CEMIP: variants seen among roughly 807,000 people sequenced by gnomAD.
CEMIP encodes cell migration inducing hyaluronidase 1, also known as cell migration-inducing and hyaluronan-binding protein.
CEMIP carries 105 observed loss-of-function variants against 156.9 expected under a neutral mutation model. The observed-to-expected ratio is 0.67, with a 90% CI of 0.57 to 0.79. The LOEUF (loss-of-function observed/expected upper bound fraction) is 0.79. Ranked by LOEUF, CEMIP falls within the 30% of genes least tolerant of loss-of-function variation. The pLI is 0.00. For missense variants in CEMIP, 1,457 were observed against 1,769.4 expected, an observed-to-expected ratio of 0.82 and a Z score of 3.17; for synonymous variants, 676 against 668.4, an observed-to-expected ratio of 1.01 and a Z score of -0.17.
At chr15:80,885,317 C>G (rs972701236) in intron 7 of CEMIP, among the ~76,000 whole-genome samples, 2 of 152,138 alleles carry the variant, frequency 1.3e-5, no homozygotes, top group Non-Finnish European at 2.9e-5. Context: ...GGCAGAAATT[C>G]CCTGGGCAAG....
chr15:80,894,928 A>G (rs1247708372), intron 10 of CEMIP, 62 bp from the exon 11 acceptor site: 78 of 1,594,038 alleles, frequency 4.9e-5, no homozygotes, highest in Non-Finnish European at 6.4e-5. Context: ...AACATTAATC[A>G]GCACCTTCCT....
Position 80,889,592 on chromosome 15 carries a change from G to C in CEMIP, c.1086G>C (p.Gln362His). The C allele has an allele frequency of 6.2e-7, 1 of 1,614,086 alleles. No individual in the cohort carries two copies. The highest frequency in any genetic ancestry group is 8.5e-7 in the Non-Finnish European group (1 of 1,179,974). ...GKICNRPIDI[Q>H]ATTMDGVNLS... ...TATGCAATCGTCCCATTGATATACA[G>C]GTACCAAACTCACAGCAAAAATAGA... Residue 362 changes from glutamine (Q) to histidine (H), a missense_variant and splice_region_variant, in exon 10 of 30, where the codon CAG becomes CAC. Transcript: ENST00000394685.
chr15:80,870,095 G>A (rs948766997), intron 1 of CEMIP, among the ~76,000 whole-genome samples: 8 of 152,156 alleles, frequency 5.3e-5, no homozygotes, highest in African/African-American at 1.9e-4. Context: ...GGTACAAGTG[G>A]CCAGGTGGCA....
intron 29 of CEMIP, chr15:80,947,404 T>C (rs1230672801): frequency 1.8e-5 from 6 of 326,182 alleles, no homozygotes; most frequent in Non-Finnish European, 3.6e-5. Context: ...ACCCAATTCC[T>C]GCTATTCAGA....
At chr15:80,886,805 G>C (rs1898857277) in intron 7 of CEMIP, among the ~76,000 whole-genome samples, 1 of 144,332 alleles carries the variant, frequency 6.9e-6, no homozygotes, top group African/African-American at 2.5e-5. Context: ...ACAGTAAACA[G>C]GGGAAATTTA....
chr15:80,790,766 G>A (rs1429659177), intron 1 of CEMIP, among the ~76,000 whole-genome samples: 1 of 152,188 alleles, frequency 6.6e-6, no homozygotes, highest in Non-Finnish European at 1.5e-5. Flanking sequence ...TTCGTTGAGA[G>A]TAATTGTAAC....
intron 1 of CEMIP, among the ~76,000 whole-genome samples, chr15:80,826,190 A>G (rs1483760431): frequency 6.6e-6 from 1 of 152,142 alleles, no homozygotes; most frequent in African/African-American, 2.4e-5. Context: ...TAGATAGTGT[A>G]TTTTCTCCGG....
chr15:80,914,874 C>G (rs967521555), intron 14 of CEMIP, among the ~76,000 whole-genome samples: 17 of 151,806 alleles, frequency 1.1e-4, no homozygotes, highest in African/African-American at 4.1e-4. Flanking sequence ...TCAGTCTCCC[C>G]CAAAATTGGG....
intron 7 of CEMIP, among the ~76,000 whole-genome samples, chr15:80,886,104 T>G (rs887925203): frequency 5.9e-5 from 9 of 152,226 alleles, no homozygotes; most frequent in African/African-American, 2.2e-4. Flanking sequence ...CAGGTATGAA[T>G]GGAAATTGGT....
intron 1 of CEMIP, among the ~76,000 whole-genome samples, chr15:80,852,384 A>ATG (rs1314425158): frequency 2.0e-5 from 3 of 151,948 alleles, no homozygotes; most frequent in Non-Finnish European, 2.9e-5. Flanking sequence ...GCTACTTCCA[A>ATG]TGTGTGTGTG....
In CEMIP at chr15:80,879,735, C is replaced by T. The variant is rs770293978; in HGVS notation, c.261C>T (p.Asp87=). 5 of 1,614,194 alleles carry T rather than the reference C, an allele frequency of 3.1e-6. No homozygotes were observed. In the South Asian group the frequency reaches 5.5e-5, roughly 18 times the overall value. Residue 87 remains aspartate, a synonymous_variant, in exon 5 of 30, where the codon GAC becomes GAT. Transcript: ENST00000394685. ...CTTCAGGCAAGCTGGTCATTAAAGA[C>T]CACGACGAGCCGATTGTTTTGCGAA... ...ISEGGKLVIK[D]HDEPIVLRTR...
intron 17 of CEMIP, among the ~76,000 whole-genome samples, chr15:80,923,238 G>A (rs889192273): frequency 1.3e-5 from 2 of 152,106 alleles, no homozygotes; most frequent in African/African-American, 4.8e-5. Flanking sequence ...GCAGAGGTGT[G>A]GAAGACAACA....
At chr15:80,829,027 G>A (rs551199134) in intron 1 of CEMIP, among the ~76,000 whole-genome samples, 16 of 152,322 alleles carry the variant, frequency 1.1e-4, no homozygotes, top group Admixed American at 7.8e-4. Flanking sequence ...GCTGCTAGGA[G>A]CTCATGCTGG....
intron 28 of CEMIP, chr15:80,946,474 T>TGGTTTTA (rs1901557086): frequency 5.9e-6 from 1 of 168,496 alleles, no homozygotes; most frequent in African/African-American, 2.4e-5. Flanking sequence ...AGCTCCTGGA[T>TGGTTTTA]GGTTTTATGA....
At chr15:80,936,029 C>T (rs1400302608) in intron 23 of CEMIP, among the ~76,000 whole-genome samples, 1 of 152,232 alleles carries the variant, frequency 6.6e-6, no homozygotes, top group Non-Finnish European at 1.5e-5. Flanking sequence ...TGAGCCACCG[C>T]GCCCGGCCAA....
At chr15:80,900,638 G>GTGTGTGTGTGTGTGTGTCTGTGTGTC (rs1567090910) in intron 12 of CEMIP, among the ~76,000 whole-genome samples, 11 of 101,926 alleles carry the variant, frequency 1.1e-4, no homozygotes, top group Admixed American at 2.3e-4. Flanking sequence ...GTGTGTGTGT[G>GTGTGTGTGTGTGTGTGTCTGTGTGTC]TGTGTGTGTG....
chr15:80,888,606 G>A (rs1898929731), intron 8 of CEMIP, 95 bp from the exon 9 acceptor site: 4 of 897,628 alleles, frequency 4.5e-6, no homozygotes, highest in Admixed American at 1.7e-5. Flanking sequence ...ATGAGTCAAT[G>A]CCCATGTGCG....
chr15:80,905,298 G>T (rs1899751264), intron 12 of CEMIP, among the ~76,000 whole-genome samples: 1 of 152,220 alleles, frequency 6.6e-6, no homozygotes, highest in Non-Finnish European at 1.5e-5. Flanking sequence ...GTCTGTAATT[G>T]TATCCTCAAA....
rs746337005 is a variant in CEMIP, at chr15:80,879,728, T to A, written c.254T>A (p.Ile85Asn). 6.2e-7 allele frequency: 1 copy of A among 1,614,214 alleles called. No homozygotes were observed. Among genetic ancestry groups the A allele is most frequent in the South Asian group, 1.1e-5 (1 of 91,084 alleles). ...IHISEGGKLV[I>N]KDHDEPIVLR... Reference sequence around the variant, plus strand: ...GCTACCTCTTCAGGCAAGCTGGTCATTAAAGACCACGACGAGCCGATTGTT... The same window carrying A: ...GCTACCTCTTCAGGCAAGCTGGTCAATAAAGACCACGACGAGCCGATTGTT... Residue 85 changes from isoleucine (I) to asparagine (N), a missense_variant, in exon 5 of 30, where the codon ATT becomes AAT. Physicochemically the swap from Ile to Asn is moderately radical, Grantham distance 149. Around this residue, in one of 5 missense-constraint regions of CEMIP, gnomAD observed 309 missense variants for 340.8 expected, o/e 0.91. Coordinates refer to ENST00000394685, the MANE Select transcript of CEMIP (RefSeq NM_001293298.2).
Sources: gnomAD v4.1 joint callset for allele counts (sites outside exome capture counted in the v4.1 genomes callset) on GRCh38, gnomAD v4.1.1 for gene constraint, gnomAD v4.1.1 regional missense constraint, MANE v1.5 for transcripts, NCBI Gene and HGNC (gene_info 2026-07-23, HGNC 2026-07-21) for gene names.